Variants in MRGPRX3 observed in about 807,000 individuals in gnomAD.
MRGPRX3 encodes the protein mas-related G protein-coupled receptor member X3.
In MRGPRX3, 14 loss-of-function variants were observed where a neutral mutation model predicts 16.5. The ratio of observed to expected loss-of-function variants is 0.85; its 90% CI spans 0.56 to 1.33. The LOEUF (loss-of-function observed/expected upper bound fraction) is 1.33, where lower values mean the gene tolerates loss of function less well. Ranked by LOEUF, MRGPRX3 falls within the 40% of genes most tolerant of loss-of-function variation. The pLI, the probability that MRGPRX3 is intolerant of heterozygous loss-of-function variation, is 0.00. For missense variants in MRGPRX3, 449 were observed against 413.0 expected, an observed-to-expected ratio of 1.09 and a Z score of -0.76; for synonymous variants, 199 against 180.1, an observed-to-expected ratio of 1.10 and a Z score of -0.84.
At chr11:18,126,854 G>T (rs1848902590) in intron 1 of MRGPRX3, among the ~76,000 whole-genome samples, 1 of 151,014 alleles carries the variant, frequency 6.6e-6, no homozygotes, top group Non-Finnish European at 1.5e-5. Flanking sequence ...GTATTCCATG[G>T]TGTATATGTG....
intron 1 of MRGPRX3, among the ~76,000 whole-genome samples, chr11:18,133,550 T>C (rs1848982054): frequency 6.6e-6 from 1 of 152,040 alleles, no homozygotes; most frequent in African/African-American, 2.4e-5. Flanking sequence ...TACTGACGAG[T>C]TCTCATGAAA....
intron 1 of MRGPRX3, among the ~76,000 whole-genome samples, chr11:18,125,775 A>G (rs1355464865): frequency 1.3e-5 from 2 of 152,072 alleles, no homozygotes; most frequent in African/African-American, 2.4e-5. Flanking sequence ...TCTATCTAAT[A>G]TTGACAGTGG....
At chr11:18,122,782 A>G (rs1848852961) in intron 1 of MRGPRX3, among the ~76,000 whole-genome samples, 1 of 152,170 alleles carries the variant, frequency 6.6e-6, no homozygotes, top group Non-Finnish European at 1.5e-5. Context: ...ACAATGGTTG[A>G]ACTAGTTTAC....
chr11:18,134,733 G>A (rs539902064), intron 1 of MRGPRX3, among the ~76,000 whole-genome samples: 3 of 152,176 alleles, frequency 2.0e-5, no homozygotes, highest in Non-Finnish European at 4.4e-5. Context: ...AGCGACATTA[G>A]CATTCCAGTC....
intron 1 of MRGPRX3, among the ~76,000 whole-genome samples, chr11:18,121,728 G>A (rs1334424810): frequency 1.3e-5 from 2 of 152,186 alleles, no homozygotes; most frequent in African/African-American, 2.4e-5. Flanking sequence ...TGAAACATGT[G>A]CTGTGTCCAC....
In MRGPRX3 at chr11:18,121,862, C is replaced by G. The variant is rs111863774; in HGVS notation, c.-152+698C>G. ...CAAGTACCCAGGGACACAAACACTG[C>G]GGAAGGCCTCAGGGTCCTCTGCCTA... is the stretch of plus-strand genomic sequence containing the variant. On this transcript the variant is annotated intron_variant, in intron 1 of 2. Coordinates refer to the MRGPRX3 transcript ENST00000396275. Among the ~76,000 whole-genome samples, 1,062 of 152,102 alleles carry G rather than the reference C, an allele frequency of 7.0e-3. 13 individuals carry two copies. The highest frequency in any genetic ancestry group is 0.024 in the African/African-American group (998 of 41,480).
Position 18,137,206 on chromosome 11 carries a change from G to A in MRGPRX3, c.4G>A (p.Asp2Asn). The A allele has an allele frequency of 6.3e-7, 1 of 1,587,330 alleles. No homozygotes were observed. Among genetic ancestry groups the A allele is most frequent in the Non-Finnish European group, 8.6e-7 (1 of 1,163,966 alleles). Residue 2 changes from aspartate (D) to asparagine (N), a missense_variant, in exon 2 of 2, where the codon GAT becomes AAT. Asp to Asn is a conservative substitution (Grantham distance 23). Transcript: ENST00000621697. The stretch of plus-strand genomic sequence containing the variant: ...CATCAGACTGGGGTTTCTGAGCATG[G>A]ATTCAACCATCCCAGTCTTGGGTAC... M[D>N]STIPVLGTEL...
At chr11:18,124,740 T>C (rs907046235) in intron 1 of MRGPRX3, among the ~76,000 whole-genome samples, 5 of 152,206 alleles carry the variant, frequency 3.3e-5, no homozygotes, top group African/African-American at 7.2e-5. Context: ...TTTCTATTGA[T>C]TGGAATAATT....
chr11:18,135,975 G>A (rs1405542447), intron 1 of MRGPRX3, among the ~76,000 whole-genome samples: 1 of 152,114 alleles, frequency 6.6e-6, no homozygotes, highest in Non-Finnish European at 1.5e-5. Flanking sequence ...CTAATAAACT[G>A]TCAATCAGCT....
chr11:18,124,849 A>C (rs1848875429), intron 1 of MRGPRX3, among the ~76,000 whole-genome samples: 2 of 152,300 alleles, frequency 1.3e-5, no homozygotes, highest in Admixed American at 6.5e-5. Flanking sequence ...GATGTTAATT[A>C]TTACCTCAAT....
chr11:18,126,978 G>A (rs948968898), intron 1 of MRGPRX3, among the ~76,000 whole-genome samples: 8 of 152,156 alleles, frequency 5.3e-5, no homozygotes, highest in East Asian at 1.9e-4. Flanking sequence ...TTATAGCAGC[G>A]TGATTTATAA....
At chr11:18,137,157 A>G in intron 1 of MRGPRX3, 21 bp from the exon 2 acceptor site, 1 of 1,537,476 alleles carries the variant, frequency 6.5e-7, no homozygotes, top group South Asian at 1.3e-5. Context: ...GCTGGTGATC[A>G]CATCTGGTTT....
At chr11:18,136,918 G>T (rs1393278514) in intron 1 of MRGPRX3, among the ~76,000 whole-genome samples, 1 of 152,198 alleles carries the variant, frequency 6.6e-6, no homozygotes, top group East Asian at 1.9e-4. Context: ...CTGGCTAGAT[G>T]AGTGGGGGTG....
At chr11:18,124,527 A>T (rs1848870945) in intron 1 of MRGPRX3, among the ~76,000 whole-genome samples, 1 of 152,162 alleles carries the variant, frequency 6.6e-6, no homozygotes, top group Admixed American at 6.5e-5. Context: ...CTTGCATCCC[A>T]GGGATGAAGC....
intron 1 of MRGPRX3, 139 bp from the exon 2 acceptor site, chr11:18,137,039 C>T: frequency 2.2e-6 from 2 of 908,106 alleles, no homozygotes; most frequent in Admixed American, 2.6e-5. Flanking sequence ...TGAGGACCCC[C>T]ACCTTTTGAT....
chr11:18,133,727 G>A (rs1848983318), intron 1 of MRGPRX3, among the ~76,000 whole-genome samples: 2 of 152,180 alleles, frequency 1.3e-5, no homozygotes, highest in Admixed American at 1.3e-4. Flanking sequence ...AGAGCTATTA[G>A]CCAGTTAAAC....
Position 18,125,084 on chromosome 11 carries a change from T to G in MRGPRX3, c.-152+3920T>G, listed in dbSNP as rs928619427. Among the ~76,000 whole-genome samples, 40 of 152,076 alleles carry G rather than the reference T, an allele frequency of 2.6e-4. 1 individual carries two copies. Among genetic ancestry groups the G allele is most frequent in the Non-Finnish European group, 2.5e-4 (17 of 67,976 alleles). On this transcript the variant is annotated intron_variant, in intron 1 of 2. Transcript: ENST00000396275. ...TCTATTTGATTCTTCTCTCTTTTCTTCTTTATTAGTCTTGCTAGCGGTCTA... is the reference window on the plus strand; with the variant it reads ...TCTATTTGATTCTTCTCTCTTTTCTGCTTTATTAGTCTTGCTAGCGGTCTA...
At chr11:18,123,695 T>A (rs1052962102) in intron 1 of MRGPRX3, among the ~76,000 whole-genome samples, 7 of 152,186 alleles carry the variant, frequency 4.6e-5, no homozygotes, top group South Asian at 2.1e-4. Context: ...CCATATGAAT[T>A]TTAAAGTAGT....
intron 1 of MRGPRX3, among the ~76,000 whole-genome samples, chr11:18,135,363 A>G (rs1390102481): frequency 6.6e-6 from 1 of 152,198 alleles, no homozygotes; most frequent in East Asian, 1.9e-4. Flanking sequence ...GAGTGTGGAT[A>G]ACAGAGGTTC....
Sources: gnomAD v4.1 joint callset for allele counts (sites outside exome capture counted in the v4.1 genomes callset) on GRCh38, gnomAD v4.1.1 for gene constraint, MANE v1.5 for transcripts, NCBI Gene and HGNC (gene_info 2026-07-23, HGNC 2026-07-21) for gene names.